DOCK2: variants seen among roughly 807,000 people sequenced by gnomAD.
DOCK2 encodes the protein dedicator of cytokinesis 2.
DOCK2 carries 87 observed loss-of-function variants against 248.9 expected under a neutral mutation model. That is an observed-to-expected ratio of 0.35 (90% CI 0.29 to 0.42). The LOEUF (loss-of-function observed/expected upper bound fraction) is 0.42. Among genes scored for constraint, DOCK2 ranks in the 10% least tolerant of loss-of-function variants. The pLI, the probability that DOCK2 is intolerant of heterozygous loss-of-function variation, is 1.00. For missense variants in DOCK2, 1,747 were observed against 2,300.2 expected (o/e 0.76, Z 4.92); for synonymous variants, 805 against 821.6 (o/e 0.98, Z 0.35).
intron 27 of DOCK2, among the ~76,000 whole-genome samples, chr5:169,972,712 C>T (rs1167243674): frequency 6.6e-6 from 1 of 152,074 alleles, no homozygotes; most frequent in East Asian, 1.9e-4. Flanking sequence ...TCCTTACACA[C>T]AATAAGTGCT....
chr5:169,919,455 G>A (rs150763726), intron 27 of DOCK2, among the ~76,000 whole-genome samples: 46 of 152,302 alleles, frequency 3.0e-4, no homozygotes, highest in Admixed American at 7.8e-4. Flanking sequence ...GTAATGGCCA[G>A]TATCATTAAT....
intron 25 of DOCK2, among the ~76,000 whole-genome samples, chr5:169,766,478 C>T (rs979940247): frequency 4.6e-5 from 7 of 152,254 alleles, no homozygotes; most frequent in East Asian, 1.9e-4. Flanking sequence ...ACCATCAGCG[C>T]GTGTTTAGGT....
intron 32 of DOCK2, among the ~76,000 whole-genome samples, chr5:170,009,095 T>C (rs895799839): frequency 6.6e-6 from 1 of 151,996 alleles, no homozygotes; most frequent in Non-Finnish European, 1.5e-5. Context: ...AGGGTCCTTC[T>C]GCATCCTGTA....
intron 26 of DOCK2, among the ~76,000 whole-genome samples, chr5:169,804,488 G>GCA (rs1462190047): frequency 4.0e-5 from 3 of 75,874 alleles, no homozygotes; most frequent in African/African-American, 6.1e-5. Context: ...GTGTGTGTGC[G>GCA]CGCGCGCGTG....
intron 34 of DOCK2, among the ~76,000 whole-genome samples, chr5:170,031,344 G>A (rs1287812985): frequency 6.6e-6 from 1 of 152,172 alleles, no homozygotes; most frequent in Non-Finnish European, 1.5e-5. Flanking sequence ...GGGGGAGTCT[G>A]GGATCCTCCC....
intron 26 of DOCK2, among the ~76,000 whole-genome samples, chr5:169,818,285 C>A (rs1324629719): frequency 6.6e-6 from 1 of 152,190 alleles, no homozygotes; most frequent in Non-Finnish European, 1.5e-5. Context: ...GGATAGTAAC[C>A]CCTATGAGCA....
At chr5:169,860,609 G>A (rs1214673858) in intron 27 of DOCK2, among the ~76,000 whole-genome samples, 1 of 152,198 alleles carries the variant, frequency 6.6e-6, no homozygotes, top group African/African-American at 2.4e-5. Flanking sequence ...TCTCTAAATT[G>A]ATGTTTCCCA....
intron 27 of DOCK2, among the ~76,000 whole-genome samples, chr5:169,948,727 C>T (rs1272377374): frequency 2.0e-5 from 3 of 151,958 alleles, no homozygotes; most frequent in Middle Eastern, 3.4e-3. Flanking sequence ...ATTCTCCCAC[C>T]TCAGCCTCCC....
At chr5:169,796,865 G>A (rs1439846755) in intron 25 of DOCK2, among the ~76,000 whole-genome samples, 2 of 152,170 alleles carry the variant, frequency 1.3e-5, no homozygotes, top group South Asian at 2.1e-4. Context: ...AGAGGGAGGT[G>A]GAGGAGTGGA....
intron 44 of DOCK2, 113 bp downstream of exon 44, chr5:170,057,779 CTGTG>C: frequency 1.1e-6 from 1 of 905,258 alleles, no homozygotes; most frequent in South Asian, 1.9e-5. Context: ...TTTGAAGCTG[CTGTG>C]TGAGTCCCAG....
At chr5:169,972,486 T>C (rs1430019092) in intron 27 of DOCK2, among the ~76,000 whole-genome samples, 1 of 56,882 alleles carries the variant, frequency 1.8e-5, no homozygotes, top group Non-Finnish European at 2.8e-5. Context: ...TGAAAAATAT[T>C]TCAAGGCAAT....
chr5:169,963,687 C>T (rs1331505764), intron 27 of DOCK2, among the ~76,000 whole-genome samples: 1 of 152,114 alleles, frequency 6.6e-6, no homozygotes, highest in Admixed American at 6.5e-5. Context: ...AGTCTCTTTT[C>T]ACCCTTTCTT....
Position 169,796,584 on chromosome 5 carries a change from G to T in DOCK2, c.2555-6474G>T, listed in dbSNP as rs764992824. The stretch of plus-strand genomic sequence containing the variant: ...ATGGGATGACAGCAAGAATCTCACT[G>T]GTTTTCCTGTTACATAGACAATGAC... On this transcript the variant is annotated intron_variant, in intron 25 of 51. Transcript: ENST00000520908. 4.6e-5 allele frequency among the ~76,000 whole-genome samples: 7 copies of T among 152,160 alleles called. 1 individual carries two copies. In the East Asian group the frequency reaches 1.4e-3, roughly 29 times the overall value.
At chr5:169,686,259 A>G (rs1372505823) in intron 8 of DOCK2, among the ~76,000 whole-genome samples, 1 of 152,184 alleles carries the variant, frequency 6.6e-6, no homozygotes, top group Non-Finnish European at 1.5e-5. Context: ...CAGATCTGAA[A>G]GTGCTCACTG....
intron 27 of DOCK2, chr5:169,864,380 C>T (rs919726098): frequency 3.4e-5 from 53 of 1,551,436 alleles, no homozygotes; most frequent in Non-Finnish European, 4.4e-5. Context: ...GGCGATGCCT[C>T]CTCAACTGGC....
intron 39 of DOCK2, 140 bp from the exon 40 acceptor site, chr5:170,047,370 G>A (rs1234213023): frequency 1.5e-6 from 1 of 650,924 alleles, no homozygotes; most frequent in African/African-American, 1.8e-5. Context: ...TGTGATTATA[G>A]ACATAGCACA....
intron 27 of DOCK2, among the ~76,000 whole-genome samples, chr5:169,933,352 A>T (rs1302923148): frequency 6.6e-6 from 1 of 152,170 alleles, no homozygotes; most frequent in Non-Finnish European, 1.5e-5. Context: ...CCCACCCCTA[A>T]GGATATGATT....
At chr5:169,716,103 G>A in intron 19 of DOCK2, 110 bp from the exon 20 acceptor site, 1 of 964,580 alleles carries the variant, frequency 1.0e-6, no homozygotes, top group African/African-American at 1.6e-5. Flanking sequence ...AGCATGACAT[G>A]TGGTGGATGT....
At chr5:169,758,215 A>C (rs1764296081) in intron 23 of DOCK2, among the ~76,000 whole-genome samples, 1 of 152,228 alleles carries the variant, frequency 6.6e-6, no homozygotes, top group East Asian at 1.9e-4. Context: ...GCAGGATGCC[A>C]CTGGTGTGCA....
Sources: allele counts gnomAD v4.1 joint callset (sites outside exome capture counted in the v4.1 genomes callset), GRCh38; gene constraint gnomAD v4.1.1; transcripts MANE v1.5; gene names NCBI Gene and HGNC (gene_info 2026-07-23, HGNC 2026-07-21).